HORMAD2: variants seen among roughly 807,000 people sequenced by gnomAD.
The protein encoded by HORMAD2 is HORMA domain-containing protein 2.
Under a neutral mutation model 38.8 loss-of-function variants are expected in HORMAD2, and 45 were observed. The observed-to-expected ratio is 1.16, with a 90% confidence interval of 0.91 to 1.49. The LOEUF (loss-of-function observed/expected upper bound fraction) is 1.49, where lower values mean the gene tolerates loss of function less well. HORMAD2 is among the 40% of genes most tolerant of loss of function. The pLI is 0.00. For synonymous variants in HORMAD2, 126 were observed against 122.8 expected, an observed-to-expected ratio of 1.03 and a Z score of -0.17; for missense variants, 338 against 367.0, an observed-to-expected ratio of 0.92 and a Z score of 0.65.
At chr22:30,162,315 A>G (rs1170781652) in intron 10 of HORMAD2, among the ~76,000 whole-genome samples, 2 of 91,508 alleles carry the variant, frequency 2.2e-5, no homozygotes, top group African/African-American at 1.2e-4. Flanking sequence ...CCCCGTCTCA[A>G]AATACACACA....
chr22:30,205,292 A>G, the HORMAD2 span, among the ~76,000 whole-genome samples: 3 of 152,110 alleles, frequency 2.0e-5, no homozygotes, highest in Non-Finnish European at 4.4e-5. Flanking sequence ...TTGAACCCAG[A>G]GCCACTGGCT....
intron 10 of HORMAD2, among the ~76,000 whole-genome samples, chr22:30,154,897 C>T (rs1924969350): frequency 6.6e-6 from 1 of 151,992 alleles, no homozygotes; most frequent in East Asian, 1.9e-4. Flanking sequence ...GCAAGACCTG[C>T]ATCTCCTAAA....
At chr22:30,127,905 T>C in intron 10 of HORMAD2, among the ~76,000 whole-genome samples, 1 of 152,186 alleles carries the variant, frequency 6.6e-6, no homozygotes, top group East Asian at 1.9e-4. Context: ...TGGTACACCA[T>C]TTCCATGTGT....
intron 5 of HORMAD2, among the ~76,000 whole-genome samples, chr22:30,106,316 A>G (rs1390596806): frequency 6.6e-6 from 1 of 152,096 alleles, no homozygotes; most frequent in East Asian, 1.9e-4. Context: ...CAGACTATAT[A>G]TTGATTTTTT....
chr22:30,137,245 T>C, intron 10 of HORMAD2: 1 of 573,564 alleles, frequency 1.7e-6, no homozygotes, highest in Non-Finnish European at 3.3e-6. Flanking sequence ...ATTCTGCACA[T>C]CAGACAAACT....
the HORMAD2 span, among the ~76,000 whole-genome samples, chr22:30,204,733 A>G: frequency 1.3e-5 from 2 of 152,224 alleles, no homozygotes; most frequent in East Asian, 3.8e-4. Flanking sequence ...TTTTTCATTT[A>G]TAAAGCTGCC....
chr22:30,097,045 G>A (rs2068794889), intron 2 of HORMAD2, among the ~76,000 whole-genome samples: 1 of 152,090 alleles, frequency 6.6e-6, no homozygotes, highest in Admixed American at 6.6e-5. Context: ...AAATTATAAT[G>A]TATTGACACA....
At chr22:30,094,396 A>G (rs1450100972) in intron 2 of HORMAD2, among the ~76,000 whole-genome samples, 1 of 152,188 alleles carries the variant, frequency 6.6e-6, no homozygotes, top group African/African-American at 2.4e-5. Context: ...AGAAACTTGG[A>G]TGCTAGGAGG....
At chr22:30,186,708 C>T in the HORMAD2 span, among the ~76,000 whole-genome samples, 26 of 152,230 alleles carry the variant, frequency 1.7e-4, no homozygotes, top group African/African-American at 5.5e-4. Flanking sequence ...CCCAGGCCTA[C>T]GTGAGGAAGT....
intron 10 of HORMAD2, among the ~76,000 whole-genome samples, chr22:30,131,932 G>T (rs972171203): frequency 6.6e-6 from 1 of 152,096 alleles, no homozygotes; most frequent in African/African-American, 2.4e-5. Flanking sequence ...TGATTTATTT[G>T]TAAGAAATTA....
chr22:30,161,855 G>A (rs577032629), intron 10 of HORMAD2, among the ~76,000 whole-genome samples: 50 of 152,130 alleles, frequency 3.3e-4, no homozygotes, highest in South Asian at 2.1e-3. Context: ...TATTATAACC[G>A]TGTCAAGTAA....
chr22:30,089,864 C>T (rs11705048), intron 1 of HORMAD2, among the ~76,000 whole-genome samples: 13,738 of 152,186 alleles, frequency 0.09, 644 homozygotes, highest in Middle Eastern at 0.14. Context: ...AAACTCTATA[C>T]CTATTAAACT....
intron 10 of HORMAD2, among the ~76,000 whole-genome samples, chr22:30,142,392 G>A (rs926974373): frequency 6.6e-6 from 1 of 152,128 alleles, no homozygotes; most frequent in Non-Finnish European, 1.5e-5. Context: ...ATATATATCT[G>A]TTAGGTCTAG....
chr22:30,098,778 A>G, intron 2 of HORMAD2, 74 bp from the exon 3 acceptor site: 2 of 1,240,196 alleles, frequency 1.6e-6, no homozygotes, highest in South Asian at 1.6e-5. Context: ...TTTTCATCAT[A>G]TATGTGGTAA....
intron 10 of HORMAD2, among the ~76,000 whole-genome samples, chr22:30,128,879 A>G (rs5753020): frequency 0.089 from 13,483 of 152,228 alleles, 1,037 homozygotes; most frequent in South Asian, 0.23. Context: ...GATATCTTTC[A>G]TGCTAAGATT....
downstream of HORMAD2, among the ~76,000 whole-genome samples, chr22:30,179,269 G>C (rs1007680488): frequency 1.3e-5 from 2 of 152,126 alleles, no homozygotes; most frequent in African/African-American, 4.8e-5. Flanking sequence ...GCATGTAAGA[G>C]TTAAGTCAAG....
chr22:30,146,462 T>C (rs1924425439), intron 10 of HORMAD2, among the ~76,000 whole-genome samples: 1 of 151,994 alleles, frequency 6.6e-6, no homozygotes, highest in Non-Finnish European at 1.5e-5. Context: ...GCCACTGCAC[T>C]CCAGCCTGGC....
At chr22:30,147,950 C>T (rs1924519645) in intron 10 of HORMAD2, among the ~76,000 whole-genome samples, 2 of 152,230 alleles carry the variant, frequency 1.3e-5, no homozygotes, top group South Asian at 4.1e-4. Context: ...TTCCTATAAA[C>T]ATATACTTAC....
intron 8 of HORMAD2, among the ~76,000 whole-genome samples, chr22:30,119,691 T>C (rs1234329853): frequency 6.6e-6 from 1 of 152,228 alleles, no homozygotes; most frequent in South Asian, 2.1e-4. Flanking sequence ...GATGGCACAG[T>C]AGTGGAAGGT....
Sources: gnomAD v4.1 joint callset for allele counts (sites outside exome capture counted in the v4.1 genomes callset) on GRCh38, gnomAD v4.1.1 for gene constraint, MANE v1.5 for transcripts, NCBI Gene and HGNC (gene_info 2026-07-23, HGNC 2026-07-21) for gene names.